Variants in C1orf21 observed in about 807,000 individuals in gnomAD.
C1orf21 encodes chromosome 1 open reading frame 21, also known as uncharacterized protein C1orf21.
In C1orf21, 3 loss-of-function variants were observed where a neutral mutation model predicts 18.7. That is an observed-to-expected ratio of 0.16 (90% CI 0.07 to 0.42). C1orf21 has a LOEUF of 0.42. Ranked by LOEUF, C1orf21 falls within the 10% of genes least tolerant of loss-of-function variation. The probability of loss-of-function intolerance (pLI) is 0.99; values close to 1 mark genes in which losing one functional copy is unlikely to be tolerated. For synonymous variants in C1orf21, 41 were observed against 46.4 expected (o/e 0.88, Z 0.47); for missense variants, 104 against 143.6 (o/e 0.72, Z 1.41).
At chr1:184,601,653 A>G (rs1659586201) in intron 5 of C1orf21, among the ~76,000 whole-genome samples, 3 of 152,234 alleles carry the variant, frequency 2.0e-5, no homozygotes, top group Admixed American at 1.3e-4. Flanking sequence ...CTGTAATCCC[A>G]GCACTTTGGG....
At chr1:184,460,125 T>C (rs16823192) in intron 1 of C1orf21, among the ~76,000 whole-genome samples, 7,353 of 152,224 alleles carry the variant, frequency 0.048, 589 homozygotes, top group African/African-American at 0.17. Context: ...AAATTGGAAA[T>C]CATCACTGCT....
chr1:184,552,230 A>G (rs994167575), intron 3 of C1orf21, among the ~76,000 whole-genome samples: 4 of 152,236 alleles, frequency 2.6e-5, no homozygotes, highest in Admixed American at 2.0e-4. Context: ...AGATTTTTAA[A>G]TGGGCAAAGG....
chr1:184,414,926 C>A (rs988498290), intron 1 of C1orf21, among the ~76,000 whole-genome samples: 2 of 152,100 alleles, frequency 1.3e-5, no homozygotes, highest in Non-Finnish European at 2.9e-5. Context: ...CCTTTGCTTT[C>A]ATGATTTTGT....
chr1:184,614,467 T>A (rs1388445744), intron 5 of C1orf21, among the ~76,000 whole-genome samples: 2 of 151,716 alleles, frequency 1.3e-5, no homozygotes, highest in Non-Finnish European at 2.9e-5. Context: ...AAAACATATA[T>A]GATGAATCAT....
rs1660016505 is a variant in C1orf21 at position 184,626,662 on chromosome 1, C to A, written c.*7106C>A. 6.6e-6 allele frequency: 1 copy of A among 152,626 alleles called. No individual in the cohort carries two copies. The highest frequency in any genetic ancestry group is 2.1e-4 in the South Asian group (1 of 4,838). 9.5% of individuals were successfully genotyped at this position (152,626 alleles called of 1,614,324 possible). A position where few individuals can be genotyped will look rare whatever the true frequency, so the allele number is the denominator to read the frequency against. On this transcript the variant is annotated 3_prime_UTR_variant, in exon 6 of 6. Coordinates refer to ENST00000235307, the MANE Select transcript of C1orf21 (RefSeq NM_030806.4). ...ATCAGGGCCGGGGTTTCCCTGCTCACTGCGGCAGTGCAGGGGTGCTTGCTG... is the reference window on the plus strand; with the variant it reads ...ATCAGGGCCGGGGTTTCCCTGCTCAATGCGGCAGTGCAGGGGTGCTTGCTG...
chr1:184,509,616 C>G (rs1173011509), intron 3 of C1orf21, among the ~76,000 whole-genome samples: 2 of 152,128 alleles, frequency 1.3e-5, no homozygotes, highest in Non-Finnish European at 2.9e-5. Flanking sequence ...TGACCATACA[C>G]ATCATTTGAA....
intron 1 of C1orf21, among the ~76,000 whole-genome samples, chr1:184,394,231 T>C (rs897041265): frequency 6.6e-6 from 1 of 152,214 alleles, no homozygotes; most frequent in African/African-American, 2.4e-5. Context: ...AACAGGGAGA[T>C]GATGGTTTTT....
Position 184,491,454 on chromosome 1 carries a change from A to G in C1orf21, c.94+13851A>G, listed in dbSNP as rs561337415. On this transcript the variant is annotated intron_variant, in intron 2 of 5. Transcript: ENST00000235307. The stretch of plus-strand genomic sequence containing the variant: ...AGCCTCAACCTCCCAAGCTCAGGTG[A>G]TTCTCCCACCTTAGCCTCCTAAATA... 2.1e-3 allele frequency among the ~76,000 whole-genome samples: 313 copies of G among 151,766 alleles called. 1 individual carries two copies. The highest frequency in any genetic ancestry group is 3.4e-3 in the Middle Eastern group (1 of 294).
At chr1:184,585,612 CCA>C (rs1659341307) in intron 3 of C1orf21, among the ~76,000 whole-genome samples, 1 of 152,122 alleles carries the variant, frequency 6.6e-6, no homozygotes, top group Non-Finnish European at 1.5e-5. Context: ...TGATCCTCTC[CCA>C]CCTCCCACCT....
At chr1:184,462,279 A>C (rs1156795740) in intron 1 of C1orf21, among the ~76,000 whole-genome samples, 2 of 152,242 alleles carry the variant, frequency 1.3e-5, no homozygotes, top group African/African-American at 4.8e-5. Flanking sequence ...GATGCTGGCT[A>C]ATTTGGGTTT....
At chr1:184,391,298 A>G (rs931696969) in intron 1 of C1orf21, among the ~76,000 whole-genome samples, 12 of 152,220 alleles carry the variant, frequency 7.9e-5, no homozygotes, top group East Asian at 1.9e-4. Context: ...TGTATTTCCC[A>G]GGTTGTAGGC....
At position 184,420,493 on chromosome 1, in the gene C1orf21, G is replaced by A. The variant is rs147811208; in HGVS notation, c.-125+33125G>A. Among the ~76,000 whole-genome samples, 99 of 152,274 alleles carry A rather than the reference G, an allele frequency of 6.5e-4. 1 individual carries two copies. Among genetic ancestry groups the A allele is most frequent in the East Asian group, 3.9e-4 (2 of 5,186 alleles). ...TTCAGTGGTGCTAAAAGTTAGGCCT[G>A]TGGTAATAAATCATTGTTACCTAAA... On this transcript the variant is annotated intron_variant, in intron 1 of 5. Coordinates refer to ENST00000235307, the MANE Select transcript of C1orf21 (RefSeq NM_030806.4).
chr1:184,403,011 C>T (rs542130885), intron 1 of C1orf21, among the ~76,000 whole-genome samples: 1 of 152,206 alleles, frequency 6.6e-6, no homozygotes, highest in Non-Finnish European at 1.5e-5. Context: ...AGGAGTAGGG[C>T]AGGTAGCAAG....
intron 4 of C1orf21, among the ~76,000 whole-genome samples, chr1:184,597,835 G>T (rs79342522): frequency 6.6e-6 from 1 of 152,140 alleles, no homozygotes; most frequent in East Asian, 1.9e-4. Context: ...GTCCTCCCAC[G>T]TTCCAGTGGA....
At chr1:184,436,750 G>A (rs1472873753) in intron 1 of C1orf21, among the ~76,000 whole-genome samples, 3 of 152,128 alleles carry the variant, frequency 2.0e-5, no homozygotes, top group African/African-American at 7.2e-5. Flanking sequence ...CCCGTGGCAG[G>A]TATTGATTGG....
chr1:184,522,282 A>G (rs1258283943), intron 3 of C1orf21, among the ~76,000 whole-genome samples: 1 of 152,206 alleles, frequency 6.6e-6, no homozygotes, highest in Non-Finnish European at 1.5e-5. Context: ...ATACATGTGT[A>G]TATGGTTGCA....
At chr1:184,437,326 A>G (rs558376000) in intron 1 of C1orf21, among the ~76,000 whole-genome samples, 1 of 152,194 alleles carries the variant, frequency 6.6e-6, no homozygotes, top group Non-Finnish European at 1.5e-5. Flanking sequence ...CACAAAATCA[A>G]GCCTGTTATT....
At chr1:184,494,297 T>TCC (rs1291088991) in intron 2 of C1orf21, among the ~76,000 whole-genome samples, 2 of 152,082 alleles carry the variant, frequency 1.3e-5, no homozygotes, top group African/African-American at 4.8e-5. Flanking sequence ...AGTAGGGTGA[T>TCC]GGGTGACAAA....
At chr1:184,573,881 C>T (rs907659250) in intron 3 of C1orf21, among the ~76,000 whole-genome samples, 7 of 152,064 alleles carry the variant, frequency 4.6e-5, no homozygotes, top group African/African-American at 1.4e-4. Flanking sequence ...AAAATTCAAA[C>T]TGCCTTTTAC....
Sources: gnomAD v4.1 joint callset for allele counts (sites outside exome capture counted in the v4.1 genomes callset) on GRCh38, gnomAD v4.1.1 for gene constraint, MANE v1.5 for transcripts, NCBI Gene and HGNC (gene_info 2026-07-23, HGNC 2026-07-21) for gene names.